Variants in MYO5B observed in about 807,000 individuals in gnomAD.
MYO5B encodes the protein unconventional myosin-Vb.
MYO5B carries 143 observed loss-of-function variants against 229.3 expected under a neutral mutation model. That is an observed-to-expected ratio of 0.62 (90% CI 0.54 to 0.72). MYO5B has a LOEUF of 0.72. Among genes scored for constraint, MYO5B ranks in the 30% least tolerant of loss-of-function variants. MYO5B has a pLI of 0.00. For synonymous variants in MYO5B, 918 were observed against 885.2 expected, an observed-to-expected ratio of 1.04 and a Z score of -0.66; for missense variants, 2,321 against 2,331.0, an observed-to-expected ratio of 1.00 and a Z score of 0.09.
intron 7 of MYO5B, among the ~76,000 whole-genome samples, chr18:49,988,110 C>G (rs990817595): frequency 6.6e-6 from 1 of 152,314 alleles, no homozygotes; most frequent in Admixed American, 6.5e-5. Flanking sequence ...AAACTTACGC[C>G]AAGCCAAGGG....
At chr18:49,863,038 C>T (rs138279601) in intron 29 of MYO5B, among the ~76,000 whole-genome samples, 189 bp downstream of exon 29, 210 of 152,248 alleles carry the variant, frequency 1.4e-3, no homozygotes, top group Middle Eastern at 0.01. Flanking sequence ...ATGCTGAGAG[C>T]GTGTTGCTCG....
At chr18:49,930,521 G>A (rs989963395) in intron 16 of MYO5B, among the ~76,000 whole-genome samples, 11 of 152,154 alleles carry the variant, frequency 7.2e-5, no homozygotes, top group Non-Finnish European at 1.5e-4. Context: ...ATACAAGACA[G>A]TACATAACAA....
At chr18:50,134,996 G>A (rs1290475280) in intron 1 of MYO5B, among the ~76,000 whole-genome samples, 1 of 152,172 alleles carries the variant, frequency 6.6e-6, no homozygotes, top group Non-Finnish European at 1.5e-5. Flanking sequence ...AGGCTGATTT[G>A]GATTGCTCTG....
At chr18:50,028,732 G>T (rs940855541) in intron 4 of MYO5B, among the ~76,000 whole-genome samples, 1 of 152,200 alleles carries the variant, frequency 6.6e-6, no homozygotes, top group Non-Finnish European at 1.5e-5. Flanking sequence ...AAGACCACTT[G>T]CCAGAACACA....
intron 19 of MYO5B, 108 bp downstream of exon 19, chr18:49,906,311 G>A (rs2024898852): frequency 8.8e-7 from 1 of 1,141,716 alleles, no homozygotes; most frequent in Non-Finnish European, 1.3e-6. Flanking sequence ...GGCCCCAACA[G>A]GAACCACTCT....
chr18:50,032,914 G>A (rs941851439), intron 4 of MYO5B, among the ~76,000 whole-genome samples: 16 of 152,200 alleles, frequency 1.1e-4, no homozygotes, highest in African/African-American at 3.9e-4. Context: ...TTGAACGTGG[G>A]AGGTGGAGGT....
At chr18:50,021,210 G>T (rs999334277) in intron 4 of MYO5B, among the ~76,000 whole-genome samples, 39 of 152,308 alleles carry the variant, frequency 2.6e-4, no homozygotes, top group Middle Eastern at 3.4e-3. Context: ...ATCCTGCCAT[G>T]CCACAGCTGT....
chr18:50,041,672 A>T (rs1368721032), intron 2 of MYO5B, among the ~76,000 whole-genome samples: 1 of 151,922 alleles, frequency 6.6e-6, no homozygotes, highest in Non-Finnish European at 1.5e-5. Flanking sequence ...AACAAACATT[A>T]AAAAAAAATT....
rs555286019 is a variant in MYO5B, at chr18:50,122,195, C to T, written c.28-66817G>A. 8.3e-4 allele frequency among the ~76,000 whole-genome samples: 127 copies of T among 152,220 alleles called. 1 individual carries two copies. The highest frequency in any genetic ancestry group is 2.7e-3 in the African/African-American group (114 of 41,542). On this transcript the variant is annotated intron_variant, in intron 1 of 39. Coordinates refer to ENST00000285039, the MANE Select transcript of MYO5B (RefSeq NM_001080467.3). ...GAGGCATTTGCTCAATGACAATTTT[C>T]GCCACCAAAACACCCTTCTCCTAAT...
At chr18:50,033,967 CAG>C (rs774513035) in intron 4 of MYO5B, among the ~76,000 whole-genome samples, 3 of 152,146 alleles carry the variant, frequency 2.0e-5, no homozygotes, top group Non-Finnish European at 2.9e-5. Context: ...CATGCTCTCA[CAG>C]AGTCTCCACA....
intron 1 of MYO5B, among the ~76,000 whole-genome samples, chr18:50,155,449 C>G (rs145658595): frequency 3.3e-5 from 5 of 152,270 alleles, no homozygotes; most frequent in African/African-American, 9.6e-5. Context: ...AGATTTCATT[C>G]ATTTCACCCT....
chr18:50,003,846 G>A (rs1359539539), intron 4 of MYO5B, among the ~76,000 whole-genome samples: 1 of 152,206 alleles, frequency 6.6e-6, no homozygotes, highest in Non-Finnish European at 1.5e-5. Flanking sequence ...ACTATCCCAA[G>A]TACTTAATAA....
chr18:50,093,369 A>G (rs1471319874), intron 1 of MYO5B, among the ~76,000 whole-genome samples: 2 of 152,212 alleles, frequency 1.3e-5, no homozygotes, highest in Non-Finnish European at 2.9e-5. Context: ...AGACTCTCCT[A>G]CAGTAACACT....
Position 49,953,269 on chromosome 18 carries a change from C to T in MYO5B, c.1743G>A (p.Lys581=). The T allele has an allele frequency of 6.2e-7, 1 of 1,614,100 alleles. No individual in the cohort carries two copies. ...TTCTGACACTCTTTACCTTGCTGGC[C>T]TTCAGGATATTGATCTGCTCTTCAT... ...TVYEEQINIL[K]ASKFPLVADL... is the part of the protein sequence containing the mutation. The change falls in exon 14 of 40, where the codon AAG becomes AAA. Residue 581 remains lysine (K), a synonymous_variant. Transcript: ENST00000285039.
chr18:50,168,375 T>A (rs1214675733), intron 1 of MYO5B, among the ~76,000 whole-genome samples: 1 of 152,218 alleles, frequency 6.6e-6, no homozygotes, highest in African/African-American at 2.4e-5. Flanking sequence ...GAAAGATAGT[T>A]CTGACACCTG....
intron 33 of MYO5B, among the ~76,000 whole-genome samples, chr18:49,845,236 A>G (rs2024110584): frequency 6.6e-6 from 1 of 152,244 alleles, no homozygotes; most frequent in South Asian, 2.1e-4. Context: ...GAAGTTTAAG[A>G]TAAACTTACA....
chr18:50,037,468 T>C lies in MYO5B; in HGVS notation c.311-474A>G, dbSNP rs529283779. 6.6e-5 allele frequency among the ~76,000 whole-genome samples: 10 copies of C among 152,364 alleles called. No homozygotes were observed. The South Asian group carries it at 1.7e-3, about 25-fold the overall frequency. On this transcript the variant is annotated intron_variant, in intron 3 of 39. Transcript: ENST00000285039. ...GGACAGAGAATACAATTTACATATCTTGAGATCTAATCTTGGCTCAGCCAA... is the reference window on the plus strand; with the variant it reads ...GGACAGAGAATACAATTTACATATCCTGAGATCTAATCTTGGCTCAGCCAA...
rs560055549 is a variant in MYO5B at position 49,828,423 on chromosome 18, C to T, written c.5395-1800G>A. 1.1e-4 allele frequency among the ~76,000 whole-genome samples: 16 copies of T among 152,294 alleles called. No homozygotes were observed. The South Asian group carries it at 3.1e-3, about 30-fold the overall frequency. On this transcript the variant is annotated intron_variant, in intron 39 of 39. Transcript: ENST00000285039. ...TAAACATCTGCATCTAGCAACAGAACCCCAAAATATTTGAAGGGAGAATTG... is the reference window on the plus strand; with the variant it reads ...TAAACATCTGCATCTAGCAACAGAATCCCAAAATATTTGAAGGGAGAATTG...
chr18:50,117,994 G>C (rs116574215), intron 1 of MYO5B, among the ~76,000 whole-genome samples: 2 of 152,294 alleles, frequency 1.3e-5, no homozygotes, highest in African/African-American at 4.8e-5. Context: ...ACATGGAAGT[G>C]AAAGGATAAT....
Sources: allele counts gnomAD v4.1 joint callset (sites outside exome capture counted in the v4.1 genomes callset), GRCh38; gene constraint gnomAD v4.1.1; transcripts MANE v1.5; gene names NCBI Gene and HGNC (gene_info 2026-07-23, HGNC 2026-07-21).